The following DLC1 variants were observed in gnomAD, a reference collection of about 807,000 sequenced individuals.
DLC1 encodes the protein rho GTPase-activating protein 7.
Under a neutral mutation model 140.3 loss-of-function variants are expected in DLC1, and 54 were observed. The ratio of observed to expected loss-of-function variants is 0.38; its 90% CI spans 0.31 to 0.48. The LOEUF is 0.48. Among genes scored for constraint, DLC1 ranks in the 20% least tolerant of loss-of-function variants. The pLI is 0.96. For synonymous variants in DLC1, 986 were observed against 728.1 expected (o/e 1.35, Z -5.70); for missense variants, 2,536 against 1,907.0 (o/e 1.33, Z -6.14).
At chr8:13,221,121 C>G (rs1828527373) in intron 5 of DLC1, among the ~76,000 whole-genome samples, 1 of 152,184 alleles carries the variant, frequency 6.6e-6, no homozygotes, top group South Asian at 2.1e-4. Flanking sequence ...TGGGTTTTCT[C>G]AGCCTTAAAC....
chr8:13,598,472 T>C (rs979254056), intron 1 of DLC1, among the ~76,000 whole-genome samples: 54 of 152,100 alleles, frequency 3.6e-4, no homozygotes, highest in African/African-American at 1.1e-3. Context: ...AAATAGGATA[T>C]AGGAGTGACT....
At chr8:13,244,405 CTCTCT>C (rs1466916429) in intron 5 of DLC1, among the ~76,000 whole-genome samples, 2 of 151,750 alleles carry the variant, frequency 1.3e-5, no homozygotes, top group Non-Finnish European at 2.9e-5. Flanking sequence ...TCAAGTGATC[CTCTCT>C]TCTCAGCCTC....
At chr8:13,411,451 G>A (rs1192926904) in intron 2 of DLC1, among the ~76,000 whole-genome samples, 2 of 152,156 alleles carry the variant, frequency 1.3e-5, no homozygotes, top group African/African-American at 4.8e-5. Flanking sequence ...TATTCTGAAT[G>A]ATTATATATT....
intron 1 of DLC1, among the ~76,000 whole-genome samples, chr8:13,501,382 C>A (rs1165211471): frequency 1.3e-5 from 2 of 152,140 alleles, no homozygotes; most frequent in Non-Finnish European, 2.9e-5. Context: ...CCAAATTTTG[C>A]CCCACAATGA....
intron 3 of DLC1, among the ~76,000 whole-genome samples, chr8:13,397,459 G>A (rs2117234360): frequency 6.6e-6 from 1 of 152,244 alleles, no homozygotes. Context: ...TGTGGTGAGA[G>A]ACTGCACTGG....
intron 5 of DLC1, among the ~76,000 whole-genome samples, chr8:13,247,574 C>G (rs1396982944): frequency 6.6e-6 from 1 of 152,134 alleles, no homozygotes; most frequent in Non-Finnish European, 1.5e-5. Context: ...GCCCATAATT[C>G]CCTACATTCT....
intron 2 of DLC1, among the ~76,000 whole-genome samples, chr8:13,432,029 A>G (rs867116223): frequency 2.0e-5 from 3 of 152,192 alleles, no homozygotes; most frequent in Admixed American, 1.3e-4. Flanking sequence ...CTGCTTCTCT[A>G]TCAAATCTCC....
At chr8:13,589,855 A>G (rs1585309479) in intron 1 of DLC1, among the ~76,000 whole-genome samples, 2 of 152,018 alleles carry the variant, frequency 1.3e-5, no homozygotes, top group South Asian at 2.1e-4. Flanking sequence ...TACTCATCTA[A>G]ATTCTAAAAA....
chr8:13,590,733 T>A (rs1014106784), intron 1 of DLC1, among the ~76,000 whole-genome samples: 3 of 152,136 alleles, frequency 2.0e-5, no homozygotes, highest in African/African-American at 4.8e-5. Context: ...GCAGTGATTT[T>A]AAATAGCTTC....
At chr8:13,300,846 C>G (rs1209108602) in intron 5 of DLC1, among the ~76,000 whole-genome samples, 2 of 152,176 alleles carry the variant, frequency 1.3e-5, no homozygotes, top group Non-Finnish European at 2.9e-5. Flanking sequence ...AAAGATAACT[C>G]TGGTGACAGT....
chr8:13,380,271 T>G (rs1836193028), intron 4 of DLC1, among the ~76,000 whole-genome samples: 1 of 152,262 alleles, frequency 6.6e-6, no homozygotes, highest in Non-Finnish European at 1.5e-5. Context: ...GGAAAACTAC[T>G]TGGACCCATT....
intron 2 of DLC1, among the ~76,000 whole-genome samples, chr8:13,490,428 G>C (rs1801180859): frequency 6.6e-6 from 1 of 152,110 alleles, no homozygotes; most frequent in African/African-American, 2.4e-5. Flanking sequence ...GTAGAATAGA[G>C]ATCTTGTTGG....
chr8:13,119,860 T>C (rs1387828304), intron 5 of DLC1, among the ~76,000 whole-genome samples: 2 of 151,412 alleles, frequency 1.3e-5, no homozygotes, highest in Non-Finnish European at 2.9e-5. Flanking sequence ...GGTGGGAGGA[T>C]TGCTTGGGCC....
In DLC1 at chr8:13,099,653, G is replaced by T. The variant is rs546614468; in HGVS notation, c.2684C>A (p.Ala895Glu). 5 of 1,614,132 alleles carry T rather than the reference G, an allele frequency of 3.1e-6. No homozygotes were observed. The highest frequency in any genetic ancestry group is 4.5e-5 in the East Asian group (2 of 44,882). ...SILYSSSGDL[A>E]DLENEDIFPE... ...GAAGATGTCCTCGTTCTCCAGATCC[G>T]CCAGGTCCCCTGAACTGGAGTAGAG... Residue 895 changes from alanine to glutamate, a missense_variant, in exon 9 of 18, where the codon GCG becomes GAG. Transcript: ENST00000276297.
chr8:13,284,143 T>C (rs972829507), intron 5 of DLC1, among the ~76,000 whole-genome samples: 6 of 152,072 alleles, frequency 3.9e-5, no homozygotes, highest in African/African-American at 1.4e-4. Context: ...TTAGATATAA[T>C]CCCCAGAAGA....
chr8:13,485,579 T>A (rs1460747341), intron 2 of DLC1, among the ~76,000 whole-genome samples: 1 of 152,220 alleles, frequency 6.6e-6, no homozygotes, highest in Non-Finnish European at 1.5e-5. Flanking sequence ...TGTATCAATG[T>A]AGTAACGTAT....
intron 5 of DLC1, among the ~76,000 whole-genome samples, chr8:13,241,024 G>A (rs770605890): frequency 6.6e-6 from 1 of 152,184 alleles, no homozygotes; most frequent in Non-Finnish European, 1.5e-5. Context: ...CCTGAAGACA[G>A]AAAGGGAGAC....
chr8:13,237,421 C>G (rs996641783), intron 5 of DLC1, among the ~76,000 whole-genome samples: 1 of 151,264 alleles, frequency 6.6e-6, no homozygotes. Context: ...TAAATGAGTT[C>G]ATATATATAT....
At chr8:13,311,820 C>T (rs1832673035) in intron 4 of DLC1, among the ~76,000 whole-genome samples, 1 of 152,150 alleles carries the variant, frequency 6.6e-6, no homozygotes, top group Admixed American at 6.5e-5. Flanking sequence ...TGACCCTCCC[C>T]TAAGTAAGAA....
Sources: allele counts gnomAD v4.1 joint callset (sites outside exome capture counted in the v4.1 genomes callset), GRCh38; gene constraint gnomAD v4.1.1; transcripts MANE v1.5; gene names NCBI Gene and HGNC (gene_info 2026-07-23, HGNC 2026-07-21).